Variants in CSMD2 observed in about 807,000 individuals in gnomAD.
CSMD2 encodes the protein CUB and Sushi multiple domains 2, also known as CUB and sushi domain-containing protein 2.
In CSMD2, 130 loss-of-function variants were observed where a neutral mutation model predicts 398.5. The ratio of observed to expected loss-of-function variants is 0.33; its 90% CI spans 0.28 to 0.38. The LOEUF (loss-of-function observed/expected upper bound fraction) is 0.38. Ranked by LOEUF, CSMD2 falls within the 10% of genes least tolerant of loss-of-function variation. The pLI, the probability that CSMD2 is intolerant of heterozygous loss-of-function variation, is 1.00. For synonymous variants in CSMD2, 1,828 were observed against 1,908.5 expected, an observed-to-expected ratio of 0.96 and a Z score of 1.10; for missense variants, 3,829 against 4,764.9, an observed-to-expected ratio of 0.80 and a Z score of 5.78.
chr1:33,680,578 G>C (rs1344320592), intron 25 of CSMD2, among the ~76,000 whole-genome samples: 1 of 152,250 alleles, frequency 6.6e-6, no homozygotes, highest in African/African-American at 2.4e-5. Flanking sequence ...AGCCTCAGAC[G>C]GTAGCACTTC....
intron 1 of CSMD2, among the ~76,000 whole-genome samples, chr1:34,099,261 A>C (rs1247788462): frequency 1.3e-5 from 2 of 152,128 alleles, no homozygotes; most frequent in Non-Finnish European, 2.9e-5. Flanking sequence ...TCCTTCATTC[A>C]TTCATTCCTC....
At chr1:33,783,306 G>C (rs528138503) in intron 12 of CSMD2, among the ~76,000 whole-genome samples, 3 of 152,158 alleles carry the variant, frequency 2.0e-5, no homozygotes, top group African/African-American at 7.2e-5. Context: ...TTAGCCCCCA[G>C]TGTGACTGTA....
intron 3 of CSMD2, among the ~76,000 whole-genome samples, chr1:33,981,670 A>G (rs914546854): frequency 1.3e-5 from 2 of 152,222 alleles, no homozygotes; most frequent in African/African-American, 2.4e-5. Flanking sequence ...CAGTCTCATG[A>G]AGGAGACAGG....
At chr1:33,891,329 CA>C (rs1302920137) in intron 5 of CSMD2, among the ~76,000 whole-genome samples, 2 of 151,038 alleles carry the variant, frequency 1.3e-5, no homozygotes, top group Admixed American at 6.6e-5. Context: ...CAGAGAAATG[CA>C]AATCAAAACC....
Position 33,772,257 on chromosome 1 carries a change from T to C in CSMD2, c.1846+312A>G, listed in dbSNP as rs371697961. ...GGTGGCAATGACGGTGAGCAGGAAA[T>C]GTCTGGGTCTGAGCCTGGTGGGCTT... On this transcript the variant is annotated intron_variant, in intron 13 of 70. Coordinates refer to ENST00000373381, the MANE Select transcript of CSMD2 (RefSeq NM_001281956.2). 3.6e-4 allele frequency: 85 copies of C among 234,780 alleles called. 3 individuals carry two copies. In the South Asian group the frequency reaches 9.9e-3, roughly 27 times the overall value. 14.5% of individuals were successfully genotyped at this position (234,780 alleles called of 1,614,324 possible).
intron 22 of CSMD2, among the ~76,000 whole-genome samples, chr1:33,704,630 G>A (rs1414513173): frequency 6.6e-6 from 1 of 152,156 alleles, no homozygotes; most frequent in Non-Finnish European, 1.5e-5. Context: ...CCATGAAATT[G>A]CCAATATTTT....
At chr1:33,638,079 G>A (rs1642908337) in intron 29 of CSMD2, among the ~76,000 whole-genome samples, 1 of 152,198 alleles carries the variant, frequency 6.6e-6, no homozygotes, top group South Asian at 2.1e-4. Flanking sequence ...GCAGCTGAGA[G>A]TGGAGCAGCT....
intron 10 of CSMD2, among the ~76,000 whole-genome samples, chr1:33,800,841 G>A (rs1238624766): frequency 6.6e-6 from 1 of 152,196 alleles, no homozygotes; most frequent in Non-Finnish European, 1.5e-5. Context: ...TTGGACTTGA[G>A]GAGGCTATTA....
intron 5 of CSMD2, among the ~76,000 whole-genome samples, chr1:33,867,130 T>C (rs768365952): frequency 4.6e-5 from 7 of 152,246 alleles, no homozygotes; most frequent in Non-Finnish European, 7.3e-5. Flanking sequence ...TATGTGATGA[T>C]AAATAATACT....
At chr1:33,951,990 G>A (rs1465547053) in intron 3 of CSMD2, among the ~76,000 whole-genome samples, 1 of 152,116 alleles carries the variant, frequency 6.6e-6, no homozygotes, top group Non-Finnish European at 1.5e-5. Flanking sequence ...TCACCTCTGG[G>A]AAGACATCCC....
chr1:34,067,332 T>C (rs1376251698), intron 2 of CSMD2, among the ~76,000 whole-genome samples: 2 of 152,196 alleles, frequency 1.3e-5, no homozygotes, highest in Non-Finnish European at 2.9e-5. Context: ...GTACAAAAGA[T>C]GTAAATCTGA....
chr1:33,980,686 G>T (rs922785220), intron 3 of CSMD2, among the ~76,000 whole-genome samples: 1 of 152,198 alleles, frequency 6.6e-6, no homozygotes, highest in Non-Finnish European at 1.5e-5. Flanking sequence ...CGTGGACTAG[G>T]TGCTAAGTCC....
At position 33,590,595 on chromosome 1, in the gene CSMD2, TCACACACACACA is replaced by T. The variant is rs10611040; in HGVS notation, c.6857-3439_6857-3428del. Among the ~76,000 whole-genome samples the T allele has an allele frequency of 3.5e-4, 48 of 137,650 alleles. 1 individual carries two copies. The highest frequency in any genetic ancestry group is 5.1e-4 in the South Asian group (2 of 3,926). 90.3% of individuals were successfully genotyped at this position (137,650 alleles called of 152,430 possible). A position where few individuals can be genotyped will look rare whatever the true frequency, so the allele number is the denominator to read the frequency against. On this transcript the variant is annotated intron_variant, in intron 44 of 70. Coordinates refer to ENST00000373381, the MANE Select transcript of CSMD2 (RefSeq NM_001281956.2). The stretch of plus-strand genomic sequence containing the variant: ...ACAGACACGCCCTCCCTATTTCCCA[TCACACACACACA>T]CACACACACACACACACACACACAC...
chr1:34,025,372 G>A (rs977464542), intron 3 of CSMD2, among the ~76,000 whole-genome samples: 1 of 152,190 alleles, frequency 6.6e-6, no homozygotes, highest in Non-Finnish European at 1.5e-5. Flanking sequence ...CAATGAAAAT[G>A]AAGCTTGGAT....
intron 59 of CSMD2, among the ~76,000 whole-genome samples, 185 bp from the exon 60 acceptor site, chr1:33,540,883 A>T (rs1656266269): frequency 6.6e-6 from 1 of 152,116 alleles, no homozygotes; most frequent in Non-Finnish European, 1.5e-5. Context: ...CCCTCTCTCA[A>T]GTGTGACAAC....
At chr1:34,091,908 G>GA (rs1481633004) in intron 1 of CSMD2, among the ~76,000 whole-genome samples, 1 of 152,016 alleles carries the variant, frequency 6.6e-6, no homozygotes, top group African/African-American at 2.4e-5. Context: ...TGTGACACAA[G>GA]AAAAAGAAAT....
chr1:33,832,795 A>T (rs80278875), intron 6 of CSMD2, among the ~76,000 whole-genome samples: 1 of 150,764 alleles, frequency 6.6e-6, no homozygotes, highest in Non-Finnish European at 1.5e-5. Context: ...TCAAACAGAC[A>T]CAATAAAAAA....
chr1:33,604,966 C>T (rs1640488850), intron 42 of CSMD2, among the ~76,000 whole-genome samples: 1 of 152,196 alleles, frequency 6.6e-6, no homozygotes, highest in Non-Finnish European at 1.5e-5. Context: ...CCCACTCCCT[C>T]ACATGGAGCC....
chr1:33,860,818 G>C (rs1639447278), intron 5 of CSMD2: 1 of 152,220 alleles, frequency 6.6e-6, no homozygotes, highest in South Asian at 2.1e-4. Context: ...CGAGGCGGAA[G>C]CTCCCTCTCA....
Sources: gnomAD v4.1 joint callset for allele counts (sites outside exome capture counted in the v4.1 genomes callset) on GRCh38, gnomAD v4.1.1 for gene constraint, MANE v1.5 for transcripts, NCBI Gene and HGNC (gene_info 2026-07-23, HGNC 2026-07-21) for gene names.